The following MGAT5 variants were observed in gnomAD, a reference collection of about 807,000 sequenced individuals.
The protein encoded by MGAT5 is alpha-1,6-mannosylglycoprotein 6-beta-N-acetylglucosaminyltransferase A.
A neutral mutation model predicts 94.3 loss-of-function variants in MGAT5; 30 were observed. That is an observed-to-expected ratio of 0.32 (90% CI 0.24 to 0.43). The LOEUF (loss-of-function observed/expected upper bound fraction) is 0.43, where lower values mean the gene tolerates loss of function less well. Among genes scored for constraint, MGAT5 ranks in the 20% least tolerant of loss-of-function variants. The pLI, the probability that MGAT5 is intolerant of heterozygous loss-of-function variation, is 1.00. For missense variants in MGAT5, 691 were observed against 905.5 expected, an observed-to-expected ratio of 0.76 and a Z score of 3.04; for synonymous variants, 310 against 322.9, an observed-to-expected ratio of 0.96 and a Z score of 0.43.
At chr2:134,381,382 T>TTAGCTAGATAGATAGATAGA (rs1275452620) in intron 10 of MGAT5, among the ~76,000 whole-genome samples, 107 of 108,574 alleles carry the variant, frequency 9.9e-4, no homozygotes, top group South Asian at 2.6e-3. Flanking sequence ...ATAAGATAGA[T>TTAGCTAGATAGATAGATAGA]TAGATAGATA....
chr2:134,347,207 C>T (rs1417961524), intron 8 of MGAT5, among the ~76,000 whole-genome samples: 1 of 152,156 alleles, frequency 6.6e-6, no homozygotes, highest in Non-Finnish European at 1.5e-5. Context: ...TGTCATAGAC[C>T]AAGTCCAGTG....
chr2:134,278,180 C>G (rs550383581), intron 2 of MGAT5, among the ~76,000 whole-genome samples: 1 of 152,268 alleles, frequency 6.6e-6, no homozygotes, highest in Admixed American at 6.5e-5. Flanking sequence ...TTTGTGTTGT[C>G]AAGAGGGTTT....
upstream of MGAT5, among the ~76,000 whole-genome samples, chr2:134,249,661 G>T (rs1193010146): frequency 6.6e-6 from 1 of 152,184 alleles, no homozygotes; most frequent in African/African-American, 2.4e-5. Context: ...TGCACATTAG[G>T]CTGGTTTTAC....
chr2:134,267,596 C>G (rs1683796826), intron 1 of MGAT5, among the ~76,000 whole-genome samples: 1 of 152,164 alleles, frequency 6.6e-6, no homozygotes, highest in Non-Finnish European at 1.5e-5. Flanking sequence ...ATTTACTGGT[C>G]ACTGTAATTT....
chr2:134,417,425 G>A (rs1016683787), intron 12 of MGAT5, among the ~76,000 whole-genome samples: 5 of 150,740 alleles, frequency 3.3e-5, no homozygotes, highest in African/African-American at 1.2e-4. Context: ...TTTAATAGTC[G>A]TGTCTCCTTA....
chr2:134,279,804 G>T (rs1684586367), intron 2 of MGAT5, among the ~76,000 whole-genome samples: 1 of 152,178 alleles, frequency 6.6e-6, no homozygotes, highest in Admixed American at 6.5e-5. Context: ...ATATGGTATT[G>T]ATTCAATAGA....
intron 1 of MGAT5, among the ~76,000 whole-genome samples, chr2:134,132,185 T>C (rs1310401340): frequency 6.6e-6 from 1 of 152,258 alleles, no homozygotes; most frequent in Non-Finnish European, 1.5e-5. Flanking sequence ...ACTAATATTC[T>C]TTTAAGATTG....
At chr2:134,155,176 C>A (rs185766378) in intron 1 of MGAT5, among the ~76,000 whole-genome samples, 1 of 152,226 alleles carries the variant, frequency 6.6e-6, no homozygotes, top group Non-Finnish European at 1.5e-5. Context: ...CTTTCCCCAC[C>A]GCCCAGAATT....
chr2:134,255,531 A>G (rs538494063), intron 1 of MGAT5, among the ~76,000 whole-genome samples: 7 of 151,498 alleles, frequency 4.6e-5, no homozygotes, highest in Non-Finnish European at 7.4e-5. Context: ...ACACACATAT[A>G]TATATACATA....
chr2:134,304,155 G>A (rs1573748842), intron 2 of MGAT5, among the ~76,000 whole-genome samples: 1 of 152,164 alleles, frequency 6.6e-6, no homozygotes, highest in Non-Finnish European at 1.5e-5. Context: ...CTCTGGGCTG[G>A]GAAGCTGTCT....
chr2:134,257,378 C>A (rs563334795), intron 1 of MGAT5, among the ~76,000 whole-genome samples: 1 of 152,190 alleles, frequency 6.6e-6, no homozygotes, highest in East Asian at 1.9e-4. Flanking sequence ...CACACCACCA[C>A]GCCTGCCTAA....
intron 1 of MGAT5, among the ~76,000 whole-genome samples, chr2:134,169,835 G>C (rs1247538106): frequency 6.6e-6 from 1 of 152,202 alleles, no homozygotes; most frequent in Non-Finnish European, 1.5e-5. Context: ...TGAACAGAGA[G>C]CCAAGGGTGG....
chr2:134,400,488 T>A (rs1412344543), intron 10 of MGAT5, among the ~76,000 whole-genome samples: 3 of 152,204 alleles, frequency 2.0e-5, no homozygotes, highest in Non-Finnish European at 4.4e-5. Context: ...CATATACCTC[T>A]TTATATTTGC....
chr2:134,194,687 A>G (rs567525271), intron 1 of MGAT5, among the ~76,000 whole-genome samples: 1 of 152,266 alleles, frequency 6.6e-6, no homozygotes, highest in African/African-American at 2.4e-5. Flanking sequence ...CAAGGTAGAT[A>G]TAGAGAGTAC....
chr2:134,159,489 C>T (rs1044487778), intron 1 of MGAT5, among the ~76,000 whole-genome samples: 3 of 152,082 alleles, frequency 2.0e-5, no homozygotes, highest in Admixed American at 6.5e-5. Flanking sequence ...AAACATCTGT[C>T]GAGGAGTTTT....
In MGAT5 at chr2:134,443,146, G is replaced by A. The variant is rs149710732; in HGVS notation, c.2027+1231G>A. Among the ~76,000 whole-genome samples, 246 of 151,766 alleles carry A rather than the reference G, an allele frequency of 1.6e-3. 2 individuals carry two copies. The highest frequency in any genetic ancestry group is 5.7e-3 in the African/African-American group (235 of 41,330). ...GCCTCTTGTGTCCTGCCTGCTGCAG[G>A]GAAGCTCTCATGAGTAGGGGTGTAA... On this transcript the variant is annotated intron_variant, in intron 15 of 15. Transcript: ENST00000281923.
At chr2:134,127,505 C>T (rs965506656) in intron 1 of MGAT5, among the ~76,000 whole-genome samples, 1 of 125,126 alleles carries the variant, frequency 8.0e-6, no homozygotes, top group Admixed American at 9.3e-5. Context: ...TCCCCCCCCC[C>T]CAGGCTTGTT....
chr2:134,343,247 T>C (rs1688735033), intron 7 of MGAT5, among the ~76,000 whole-genome samples: 1 of 152,190 alleles, frequency 6.6e-6, no homozygotes, highest in African/African-American at 2.4e-5. Flanking sequence ...CTTAACATCG[T>C]TGATAGGTTC....
chr2:134,188,323 G>A (rs1689147838), intron 1 of MGAT5, among the ~76,000 whole-genome samples: 1 of 152,220 alleles, frequency 6.6e-6, no homozygotes, highest in African/African-American at 2.4e-5. Flanking sequence ...TGTGGCTAAG[G>A]GACAGCCTCT....
Sources: gnomAD v4.1 joint callset for allele counts (sites outside exome capture counted in the v4.1 genomes callset) on GRCh38, gnomAD v4.1.1 for gene constraint, MANE v1.5 for transcripts, NCBI Gene and HGNC (gene_info 2026-07-23, HGNC 2026-07-21) for gene names.